The following PICALM variants were observed in gnomAD, a reference collection of about 807,000 sequenced individuals.
PICALM encodes phosphatidylinositol-binding clathrin assembly protein.
In PICALM, 40 loss-of-function variants were observed where a neutral mutation model predicts 80.5. The ratio of observed to expected loss-of-function variants is 0.50; its 90% CI spans 0.39 to 0.65. The LOEUF (loss-of-function observed/expected upper bound fraction) is 0.65, where lower values mean the gene tolerates loss of function less well. Among genes scored for constraint, PICALM ranks in the 30% least tolerant of loss-of-function variants. The pLI is 0.00. For missense variants in PICALM, 676 were observed against 778.9 expected (o/e 0.87, Z 1.57); for synonymous variants, 288 against 260.3 (o/e 1.11, Z -1.02).
chr11:86,057,363 AC>A (rs1462277656), intron 1 of PICALM, among the ~76,000 whole-genome samples: 2 of 151,924 alleles, frequency 1.3e-5, no homozygotes, highest in African/African-American at 4.8e-5. Context: ...ACATGGTGAA[AC>A]CCCGTCTCTA....
intron 19 of PICALM, among the ~76,000 whole-genome samples, chr11:85,962,632 G>T (rs998912291): frequency 5.3e-5 from 8 of 152,106 alleles, no homozygotes; most frequent in African/African-American, 1.7e-4. Flanking sequence ...AAAAGAGCTG[G>T]TTTTTTATTA....
chr11:85,985,531 T>C (rs554336587), intron 13 of PICALM, among the ~76,000 whole-genome samples: 11 of 152,286 alleles, frequency 7.2e-5, no homozygotes, highest in African/African-American at 2.4e-4. Context: ...ACTATCAAAA[T>C]ACGAAATAAT....
At chr11:85,959,451 G>T (rs1188913179) in intron 19 of PICALM, among the ~76,000 whole-genome samples, 1 of 151,642 alleles carries the variant, frequency 6.6e-6, no homozygotes, top group Non-Finnish European at 1.5e-5. Context: ...TGGCCAATAT[G>T]GTGAAACCCC....
chr11:85,968,194 G>A (rs930821276), intron 19 of PICALM, among the ~76,000 whole-genome samples: 8 of 152,130 alleles, frequency 5.3e-5, no homozygotes, highest in Non-Finnish European at 8.8e-5. Context: ...ATTGTGGTGT[G>A]TGCCTGCAGT....
chr11:86,030,783 T>A (rs889443425), intron 2 of PICALM, among the ~76,000 whole-genome samples: 1 of 152,172 alleles, frequency 6.6e-6, no homozygotes, highest in Non-Finnish European at 1.5e-5. Context: ...AGCTTTGAAG[T>A]AGGCAAAGTG....
intron 1 of PICALM, among the ~76,000 whole-genome samples, chr11:86,047,152 A>AAC (rs1195120636): frequency 1.3e-5 from 2 of 152,106 alleles, no homozygotes; most frequent in Admixed American, 1.3e-4. Flanking sequence ...ACACATCCAC[A>AAC]ACACACACAC....
At chr11:85,973,512 CATT>C (rs1465478979) in intron 19 of PICALM, among the ~76,000 whole-genome samples, 2 of 151,936 alleles carry the variant, frequency 1.3e-5, no homozygotes, top group Non-Finnish European at 2.9e-5. Context: ...TTCTATTATT[CATT>C]ATTATTAATC....
At chr11:86,035,318 G>C (rs1008629459) in intron 1 of PICALM, among the ~76,000 whole-genome samples, 1 of 152,014 alleles carries the variant, frequency 6.6e-6, no homozygotes, top group African/African-American at 2.4e-5. Flanking sequence ...GGACACTCAG[G>C]GTTCACTTCT....
intron 2 of PICALM, among the ~76,000 whole-genome samples, chr11:86,030,033 G>A (rs2095721135): frequency 6.6e-6 from 1 of 152,026 alleles, no homozygotes. Context: ...GTATAACGAT[G>A]AATCAGAAAA....
At chr11:86,032,026 C>T (rs1275978616) in intron 1 of PICALM, among the ~76,000 whole-genome samples, 1 of 152,056 alleles carries the variant, frequency 6.6e-6, no homozygotes, top group Non-Finnish European at 1.5e-5. Flanking sequence ...TTAAAGAAAT[C>T]ATCCATACAG....
intron 1 of PICALM, among the ~76,000 whole-genome samples, chr11:86,062,332 C>T (rs2096380957): frequency 6.6e-6 from 1 of 152,144 alleles, no homozygotes; most frequent in African/African-American, 2.4e-5. Flanking sequence ...GCCTGGCCAA[C>T]ATGGTGAAGC....
chr11:86,052,377 C>T lies in PICALM; in HGVS notation c.130+16274G>A, dbSNP rs149670911. On this transcript the variant is annotated intron_variant, in intron 1 of 19. Transcript: ENST00000393346. ...TCTTGGGTGTTTCTTCATAGCAGCA[C>T]GAGAATAGACTAATACACCAATTTT... is the stretch of plus-strand genomic sequence containing the variant. 4.9e-3 allele frequency among the ~76,000 whole-genome samples: 746 copies of T among 152,288 alleles called. 2 individuals are homozygous for T. The highest frequency in any genetic ancestry group is 8.0e-3 in the Non-Finnish European group (541 of 68,020).
intron 10 of PICALM, 62 bp from the exon 11 acceptor site, chr11:86,000,841 A>G (rs2095121758): frequency 1.9e-6 from 3 of 1,559,810 alleles, no homozygotes; most frequent in Non-Finnish European, 2.6e-6. Flanking sequence ...ACAGCCTCTG[A>G]AAAAAGCATT....
intron 11 of PICALM, among the ~76,000 whole-genome samples, chr11:85,998,125 T>C (rs188427319): frequency 2.9e-4 from 44 of 150,702 alleles, no homozygotes; most frequent in Non-Finnish European, 5.5e-4. Context: ...TAATTTTTTT[T>C]ATTTGAGACA....
chr11:85,990,877 C>A (rs768350356), intron 12 of PICALM, among the ~76,000 whole-genome samples: 8 of 151,838 alleles, frequency 5.3e-5, no homozygotes, highest in South Asian at 2.1e-4. Context: ...ATAATTCCTG[C>A]ATAGATTCAA....
chr11:85,989,581 T>C (rs1405450971), intron 13 of PICALM, among the ~76,000 whole-genome samples: 1 of 152,194 alleles, frequency 6.6e-6, no homozygotes, highest in Non-Finnish European at 1.5e-5. Flanking sequence ...CTTCAGCATA[T>C]ACTTTAAAAC....
intron 17 of PICALM, chr11:85,978,310 T>C (rs1242508935): frequency 4.9e-6 from 2 of 410,582 alleles, no homozygotes; most frequent in East Asian, 4.0e-5. Context: ...CATCTCTTTA[T>C]ATAAAAAATA....
Position 86,012,282 on chromosome 11 carries a change from C to T in PICALM, c.657G>A (p.Leu219=). Residue 219 remains leucine (L), a splice_region_variant and synonymous_variant, in exon 6 of 20, where the codon TTG becomes TTA. Transcript: ENST00000393346. ...AAYNEGIINL[L]EKYFDMKKNQ... ...TTATTAGGCTACAGCAGTATTTACC[C>T]AACAAATTAATAATTCCTTCATTGT... is the stretch of plus-strand genomic sequence containing the variant. The T allele has an allele frequency of 1.3e-6, 2 of 1,534,380 alleles. No homozygotes were observed. The highest frequency in any genetic ancestry group is 9.0e-7 in the Non-Finnish European group (1 of 1,110,046).
chr11:86,016,461 T>A (rs2095483129), intron 4 of PICALM, among the ~76,000 whole-genome samples: 3 of 152,332 alleles, frequency 2.0e-5, no homozygotes, highest in Admixed American at 1.3e-4. Context: ...CCCACATTGA[T>A]CCTTTCTCAT....
Sources: allele counts gnomAD v4.1 joint callset (sites outside exome capture counted in the v4.1 genomes callset), GRCh38; gene constraint gnomAD v4.1.1; transcripts MANE v1.5; gene names NCBI Gene and HGNC (gene_info 2026-07-23, HGNC 2026-07-21).